GLB1: variants seen among roughly 807,000 people sequenced by gnomAD.
The protein encoded by GLB1 is galactosidase beta 1, also known as beta-galactosidase.
In GLB1, 56 loss-of-function variants were observed where a neutral mutation model predicts 74.0. The observed-to-expected ratio is 0.76, with a 90% CI of 0.61 to 0.94. The LOEUF is 0.94. GLB1 is among the 40% of genes least tolerant of loss of function. GLB1 has a pLI of 0.00. For missense variants in GLB1, 787 were observed against 845.5 expected (o/e 0.93, Z 0.86); for synonymous variants, 323 against 323.6 (o/e 1.00, Z 0.02).
intron 5 of GLB1, among the ~76,000 whole-genome samples, chr3:33,061,275 A>C (rs1017643875): frequency 6.6e-5 from 10 of 152,178 alleles, no homozygotes; most frequent in South Asian, 6.2e-4. Context: ...TTAGCCAGGC[A>C]TGATGGCAGG....
intron 10 of GLB1, chr3:33,034,752 A>G: frequency 1.5e-6 from 1 of 673,690 alleles, no homozygotes; most frequent in Admixed American, 1.8e-5. Flanking sequence ...AGTGATGTCA[A>G]CAAGGGCCAG....
chr3:32,995,471 A>G (rs1696291898), downstream of GLB1, among the ~76,000 whole-genome samples: 1 of 152,088 alleles, frequency 6.6e-6, no homozygotes, highest in Non-Finnish European at 1.5e-5. Context: ...GAACATCTAG[A>G]AAAAGGTACT....
intron 10 of GLB1, among the ~76,000 whole-genome samples, chr3:33,038,947 G>GA (rs199812683): frequency 6.6e-6 from 1 of 151,810 alleles, no homozygotes; most frequent in East Asian, 1.9e-4. Flanking sequence ...CTCTAGATGA[G>GA]AAAAAACCCA....
chr3:33,017,183 A>C (rs1265197564), intron 13 of GLB1, among the ~76,000 whole-genome samples: 1 of 152,198 alleles, frequency 6.6e-6, no homozygotes, highest in African/African-American at 2.4e-5. Flanking sequence ...GACAGCACAA[A>C]AGTCACTCAC....
chr3:33,088,157 C>T (rs1700603606), intron 1 of GLB1, among the ~76,000 whole-genome samples: 1 of 152,146 alleles, frequency 6.6e-6, no homozygotes, highest in African/African-American at 2.4e-5. Flanking sequence ...TAGCTAACAT[C>T]ATATTCAATA....
At chr3:32,987,902 A>G in the GLB1 span, among the ~76,000 whole-genome samples, 4 of 152,052 alleles carry the variant, frequency 2.6e-5, no homozygotes, top group African/African-American at 9.7e-5. Context: ...TGGATCTTAG[A>G]GGCTGGGTAC....
chr3:33,043,227 C>A (rs920094663), intron 10 of GLB1, among the ~76,000 whole-genome samples: 2 of 152,090 alleles, frequency 1.3e-5, no homozygotes, highest in African/African-American at 4.8e-5. Context: ...TAAAAACGAG[C>A]AAAATGAATC....
At chr3:33,029,900 C>T (rs973259735) in intron 10 of GLB1, 4 of 147,386 alleles carry the variant, frequency 2.7e-5, no homozygotes, top group African/African-American at 7.5e-5. Flanking sequence ...ACCCCTGTGA[C>T]ACACAGTTAA....
chr3:32,965,806 C>T, the GLB1 span, among the ~76,000 whole-genome samples: 18 of 152,290 alleles, frequency 1.2e-4, no homozygotes, highest in Non-Finnish European at 2.5e-4. Context: ...GACTTGGTGC[C>T]CTGTGTCCCA....
rs1257941311 is a variant in GLB1, at chr3:32,997,228, G to A, written c.1851C>T (p.Thr617=). 1.9e-5 allele frequency: 31 copies of A among 1,614,072 alleles called. No homozygotes were observed. The highest frequency in any genetic ancestry group is 5.3e-5 in the African/African-American group (4 of 74,932). Residue 617 remains threonine, a synonymous_variant, in exon 16 of 16, where the codon ACC becomes ACT. Coordinates refer to ENST00000307363, the MANE Select transcript of GLB1 (RefSeq NM_000404.4). ...AGGGTGCCCACTCCAGTTCCAGCAC[G>A]GTGATGGTGTTTGGGGCCGAGGTCA... The part of the protein sequence containing the change: ...ILMTSAPNTI[T]VLELEWAPCS...
At chr3:32,972,568 A>G in the GLB1 span, among the ~76,000 whole-genome samples, 1 of 152,114 alleles carries the variant, frequency 6.6e-6, no homozygotes, top group Non-Finnish European at 1.5e-5. Context: ...ACCCCTGTTT[A>G]TTAGTAGTAT....
chr3:32,997,101 T>C lies in GLB1; in HGVS notation c.1978A>G (p.Arg660Gly). The C allele has an allele frequency of 1.9e-6, 3 of 1,614,138 alleles. No homozygotes were observed. The highest frequency in any genetic ancestry group is 2.5e-6 in the Non-Finnish European group (3 of 1,180,030). The change falls in exon 16 of 16, where the codon AGA (arginine) becomes GGA (glycine). Residue 660 changes from arginine (R) to glycine (G), a missense_variant. By Grantham distance (125) the Arg-to-Gly change is moderately radical. Transcript: ENST00000307363. ...TTTTGCGGGGGTGGGGGCATGAGTCTTTTTTCAACAGGTTTGGAGGGATGA... is the reference window on the plus strand; with the variant it reads ...TTTTGCGGGGGTGGGGGCATGAGTCCTTTTTCAACAGGTTTGGAGGGATGA... ...YDHPSKPVEK[R>G]LMPPPPQKNK... is the part of the protein sequence containing the mutation.
intron 7 of GLB1, among the ~76,000 whole-genome samples, 164 bp downstream of exon 7, chr3:33,053,327 T>C (rs890480099): frequency 6.6e-6 from 1 of 152,182 alleles, no homozygotes; most frequent in Non-Finnish European, 1.5e-5. Context: ...AATAGAAACA[T>C]TGTTTCTGCT....
At chr3:33,023,685 C>T (rs544840433) in intron 11 of GLB1, among the ~76,000 whole-genome samples, 1 of 152,002 alleles carries the variant, frequency 6.6e-6, no homozygotes, top group Admixed American at 6.6e-5. Context: ...TAAGTAAAAC[C>T]TCTCTTCTTT....
chr3:32,974,454 C>T, the GLB1 span, among the ~76,000 whole-genome samples: 1 of 152,132 alleles, frequency 6.6e-6, no homozygotes, highest in African/African-American at 2.4e-5. Context: ...ATTAATCTAT[C>T]TGTATCTATA....
intron 12 of GLB1, 74 bp downstream of exon 12, chr3:33,021,492 G>C: frequency 6.7e-7 from 1 of 1,484,296 alleles, no homozygotes; most frequent in Non-Finnish European, 9.3e-7. Flanking sequence ...ATTCAGAATG[G>C]GCACTGCAAG....
At chr3:33,081,018 C>T (rs1188605283) in intron 1 of GLB1, among the ~76,000 whole-genome samples, 4 of 152,176 alleles carry the variant, frequency 2.6e-5, no homozygotes, top group Non-Finnish European at 4.4e-5. Flanking sequence ...GGGGAGCAGT[C>T]GGTATCTGCA....
chr3:32,963,689 A>G, the GLB1 span, among the ~76,000 whole-genome samples: 5 of 152,240 alleles, frequency 3.3e-5, no homozygotes, highest in African/African-American at 1.2e-4. Flanking sequence ...CTATATACCT[A>G]TACCATTCAC....
In GLB1 at chr3:33,053,583, C is replaced by T. The variant is rs187167246; in HGVS notation, c.734-34G>A. ...TGTAAGAGGGAGAAGGTAGGTCAGTCGTGGAAATGACAAGAAGTTAAATAA... is the reference window on the plus strand; with the variant it reads ...TGTAAGAGGGAGAAGGTAGGTCAGTTGTGGAAATGACAAGAAGTTAAATAA... On this transcript the variant is annotated intron_variant, in intron 6 of 15. Coordinates refer to ENST00000307363, the MANE Select transcript of GLB1 (RefSeq NM_000404.4). 12 of 1,613,704 alleles carry T rather than the reference C, an allele frequency of 7.4e-6. No individual in the cohort carries two copies. In the South Asian group the frequency reaches 8.8e-5, roughly 12 times the overall value.
Sources: gnomAD v4.1 joint callset for allele counts (sites outside exome capture counted in the v4.1 genomes callset) on GRCh38, gnomAD v4.1.1 for gene constraint, MANE v1.5 for transcripts, NCBI Gene and HGNC (gene_info 2026-07-23, HGNC 2026-07-21) for gene names.